Variants in DCDC2C observed in about 807,000 individuals in gnomAD.
DCDC2C encodes doublecortin domain containing 2C.
Under a neutral mutation model 45.0 loss-of-function variants are expected in DCDC2C, and 44 were observed. That is an observed-to-expected ratio of 0.98 (90% CI 0.77 to 1.26). The LOEUF is 1.26. DCDC2C is among the 50% of genes most tolerant of loss of function. DCDC2C has a pLI of 0.00. For synonymous variants in DCDC2C, 187 were observed against 178.8 expected (o/e 1.05, Z -0.37); for missense variants, 447 against 468.9 (o/e 0.95, Z 0.43).
intron 2 of DCDC2C, among the ~76,000 whole-genome samples, chr2:3,718,808 T>G (rs1668417127): frequency 6.6e-6 from 1 of 152,064 alleles, no homozygotes; most frequent in African/African-American, 2.4e-5. Context: ...TTGCAGTGAG[T>G]GTTACTTAAA....
chr2:3,760,075 C>G (rs540298370), intron 6 of DCDC2C, among the ~76,000 whole-genome samples: 1 of 152,306 alleles, frequency 6.6e-6, no homozygotes, highest in African/African-American at 2.4e-5. Context: ...TCCTCTCTTC[C>G]CTCTTATTTT....
chr2:3,735,814 A>ATT (rs142534700), intron 3 of DCDC2C, among the ~76,000 whole-genome samples: 87 of 145,598 alleles, frequency 6.0e-4, no homozygotes, highest in African/African-American at 9.8e-4. Context: ...GGGTTTGACC[A>ATT]TTTTTTTTTT....
At chr2:3,813,065 ATAT>A (rs1318606519) in intron 10 of DCDC2C, among the ~76,000 whole-genome samples, 6 of 28,812 alleles carry the variant, frequency 2.1e-4, no homozygotes, top group Middle Eastern at 0.022. Flanking sequence ...ATATATATAT[ATAT>A]TTTTTTTTTT....
chr2:3,757,826 A>G (rs1409443641), intron 6 of DCDC2C, among the ~76,000 whole-genome samples: 2 of 152,138 alleles, frequency 1.3e-5, no homozygotes, highest in African/African-American at 4.8e-5. Flanking sequence ...CACAGTTCCA[A>G]CAGATCATTG....
intron 8 of DCDC2C, among the ~76,000 whole-genome samples, chr2:3,772,311 T>C (rs528065674): frequency 1.1e-4 from 16 of 152,224 alleles, no homozygotes; most frequent in Non-Finnish European, 1.9e-4. Flanking sequence ...TATCTGTTAC[T>C]AAACTCCCAT....
At chr2:3,727,487 G>A (rs1307290610) in intron 3 of DCDC2C, among the ~76,000 whole-genome samples, 1 of 152,088 alleles carries the variant, frequency 6.6e-6, no homozygotes, top group African/African-American at 2.4e-5. Flanking sequence ...TTTAAAAGCT[G>A]TTTCCCCCGC....
intron 10 of DCDC2C, among the ~76,000 whole-genome samples, chr2:3,789,080 G>A (rs1441853876): frequency 1.3e-5 from 2 of 151,880 alleles, no homozygotes; most frequent in African/African-American, 4.8e-5. Flanking sequence ...TTGAACTCCT[G>A]ACCTCAAGTG....
intron 10 of DCDC2C, among the ~76,000 whole-genome samples, chr2:3,811,745 A>G (rs909287390): frequency 2.0e-5 from 3 of 152,176 alleles, no homozygotes; most frequent in Admixed American, 2.0e-4. Context: ...TTATTTTGAG[A>G]TATGCTCCAT....
At chr2:3,708,924 T>G (rs1443698563) in intron 2 of DCDC2C, among the ~76,000 whole-genome samples, 1 of 152,228 alleles carries the variant, frequency 6.6e-6, no homozygotes, top group South Asian at 2.1e-4. Flanking sequence ...AAAAGTTATT[T>G]AGAGTTATGC....
chr2:3,799,276 A>AT (rs940308668), intron 10 of DCDC2C, among the ~76,000 whole-genome samples: 1 of 151,328 alleles, frequency 6.6e-6, no homozygotes, highest in Admixed American at 6.6e-5. Flanking sequence ...ATTCTTCTAA[A>AT]TTTTTTTCAA....
intron 2 of DCDC2C, among the ~76,000 whole-genome samples, chr2:3,718,581 G>C (rs1668408188): frequency 6.6e-6 from 1 of 152,188 alleles, no homozygotes; most frequent in Non-Finnish European, 1.5e-5. Flanking sequence ...TGCTCTCTGA[G>C]AAAGTCCAGG....
chr2:3,809,836 A>G (rs551290238), intron 10 of DCDC2C, among the ~76,000 whole-genome samples: 367 of 152,194 alleles, frequency 2.4e-3, no homozygotes, highest in Non-Finnish European at 4.1e-3. Flanking sequence ...GAGTGAGAAC[A>G]TGTGGTGTTT....
intron 2 of DCDC2C, among the ~76,000 whole-genome samples, chr2:3,713,649 T>C (rs1668278524): frequency 6.6e-6 from 1 of 152,232 alleles, no homozygotes; most frequent in South Asian, 2.1e-4. Flanking sequence ...AGTAGCATTT[T>C]GTTTTTAAAT....
At chr2:3,755,400 T>G (rs949698664) in intron 6 of DCDC2C, among the ~76,000 whole-genome samples, 16 of 150,484 alleles carry the variant, frequency 1.1e-4, no homozygotes, top group Non-Finnish European at 2.4e-4. Context: ...AATGCACATA[T>G]GTATGTATTT....
chr2:3,785,020 T>C, intron 9 of DCDC2C, 39 bp from the exon 10 acceptor site: 5 of 1,220,030 alleles, frequency 4.1e-6, no homozygotes, highest in Non-Finnish European at 5.1e-6. Context: ...AACATCCTTC[T>C]TGCGATAGTT....
chr2:3,737,312 A>T lies in DCDC2C; in HGVS notation c.417-4608A>T, dbSNP rs372490819. 1.2e-4 allele frequency among the ~76,000 whole-genome samples: 18 copies of T among 152,316 alleles called. No individual in the cohort carries two copies. The East Asian group carries it at 3.5e-3, about 29-fold the overall frequency. The stretch of plus-strand genomic sequence containing the variant: ...AGCTTGGAACTTGACCTGGTTCTTG[A>T]GAGCAAGCATTAGGCGACCTTCACC... On this transcript the variant is annotated intron_variant, in intron 3 of 10. Coordinates refer to ENST00000399143, the MANE Select transcript of DCDC2C (RefSeq NM_001287444.2).
intron 2 of DCDC2C, among the ~76,000 whole-genome samples, chr2:3,724,873 G>T (rs376755151): frequency 1.3e-5 from 2 of 152,162 alleles, no homozygotes; most frequent in South Asian, 2.1e-4. Context: ...GAGTCCCAGG[G>T]CAGAGCTGGG....
At chr2:3,751,820 C>T (rs357972) in intron 4 of DCDC2C, among the ~76,000 whole-genome samples, 69,162 of 152,082 alleles carry the variant, frequency 0.45, 17,992 homozygotes, top group South Asian at 0.7. Flanking sequence ...CACAGCTGCC[C>T]GCTCACTAGT....
chr2:3,843,584 G>A (rs1468804737), intron 10 of DCDC2C, among the ~76,000 whole-genome samples: 2 of 152,212 alleles, frequency 1.3e-5, no homozygotes, highest in Admixed American at 1.3e-4. Flanking sequence ...TAGTTTGGCC[G>A]GTGAAAGGTT....
Sources: allele counts gnomAD v4.1 joint callset (sites outside exome capture counted in the v4.1 genomes callset), GRCh38; gene constraint gnomAD v4.1.1; transcripts MANE v1.5; gene names NCBI Gene and HGNC (gene_info 2026-07-23, HGNC 2026-07-21).